The following XKR6 variants were observed in gnomAD, a reference collection of about 807,000 sequenced individuals.
XKR6 encodes the protein XK-related protein 6.
XKR6 carries 22 observed loss-of-function variants against 56.7 expected under a neutral mutation model. The observed-to-expected ratio is 0.39, with a 90% CI of 0.28 to 0.55. The LOEUF (loss-of-function observed/expected upper bound fraction) is 0.55. Ranked by LOEUF, XKR6 falls within the 20% of genes least tolerant of loss-of-function variation. XKR6 has a pLI of 0.66. For synonymous variants in XKR6, 524 were observed against 387.8 expected, an observed-to-expected ratio of 1.35 and a Z score of -4.13; for missense variants, 852 against 889.0, an observed-to-expected ratio of 0.96 and a Z score of 0.53.
At chr8:11,174,097 A>C (rs1802528910) in intron 1 of XKR6, among the ~76,000 whole-genome samples, 1 of 152,254 alleles carries the variant, frequency 6.6e-6, no homozygotes, top group Non-Finnish European at 1.5e-5. Flanking sequence ...GTCCAACTCG[A>C]TTAATTTCTA....
Position 11,137,348 on chromosome 8 carries a change from T to TA in XKR6, c.764+63227dup, listed in dbSNP as rs1243940854. On this transcript the variant is annotated intron_variant, in intron 1 of 2. Coordinates refer to ENST00000416569, the MANE Select transcript of XKR6 (RefSeq NM_173683.4). ...ATAAGTGAGAAAAAGAAAACAATTATAAAAAATACAAAGGAGTCCAGGATA... is the reference window on the plus strand; with the variant it reads ...ATAAGTGAGAAAAAGAAAACAATTATAAAAAAATACAAAGGAGTCCAGGATA... 1.3e-4 allele frequency: 41 copies of TA among 314,662 alleles called. 1 individual carries two copies. Among genetic ancestry groups the TA allele is most frequent in the South Asian group, 9.4e-4 (35 of 37,202 alleles). 19.5% of individuals were successfully genotyped at this position (314,662 alleles called of 1,614,324 possible).
chr8:10,949,713 T>A (rs1801661401), intron 1 of XKR6, among the ~76,000 whole-genome samples: 1 of 152,042 alleles, frequency 6.6e-6, no homozygotes, highest in African/African-American at 2.4e-5. Flanking sequence ...GGACACAAAG[T>A]CAAGGACCGG....
At chr8:10,964,794 T>C (rs996366360) in intron 1 of XKR6, among the ~76,000 whole-genome samples, 2 of 152,118 alleles carry the variant, frequency 1.3e-5, no homozygotes, top group Admixed American at 6.5e-5. Context: ...CCAGACCTGC[T>C]CTCACTGCAC....
chr8:10,967,759 G>C (rs1461518200), intron 1 of XKR6, among the ~76,000 whole-genome samples: 2 of 152,224 alleles, frequency 1.3e-5, no homozygotes, highest in African/African-American at 2.4e-5. Flanking sequence ...CGACGTGCTG[G>C]AGCTGGTCTC....
At chr8:11,118,002 G>C (rs1799263098) in intron 1 of XKR6, among the ~76,000 whole-genome samples, 1 of 152,076 alleles carries the variant, frequency 6.6e-6, no homozygotes, top group African/African-American at 2.4e-5. Flanking sequence ...CGTTAGGAGA[G>C]GTATACACCA....
intron 1 of XKR6, among the ~76,000 whole-genome samples, chr8:10,926,145 C>T (rs1800873937): frequency 6.6e-6 from 1 of 152,212 alleles, no homozygotes; most frequent in Non-Finnish European, 1.5e-5. Context: ...TATCCAGGCC[C>T]AGCTGGCCTC....
intron 1 of XKR6, among the ~76,000 whole-genome samples, chr8:10,994,560 T>G (rs538230556): frequency 2.0e-5 from 3 of 152,332 alleles, no homozygotes; most frequent in Admixed American, 2.0e-4. Context: ...GAATCAAATC[T>G]GGGAACCAGA....
At chr8:11,134,548 T>C (rs1340829402) in intron 1 of XKR6, among the ~76,000 whole-genome samples, 3 of 152,172 alleles carry the variant, frequency 2.0e-5, no homozygotes, top group Non-Finnish European at 2.9e-5. Context: ...TGTGTGGCAT[T>C]TGTTAAGATT....
intron 1 of XKR6, among the ~76,000 whole-genome samples, chr8:11,116,557 G>A (rs1197036749): frequency 6.6e-6 from 1 of 152,110 alleles, no homozygotes; most frequent in African/African-American, 2.4e-5. Context: ...TTTTAGTAGA[G>A]ACGGGGTTTC....
At chr8:11,002,685 C>T (rs748898243) in intron 1 of XKR6, among the ~76,000 whole-genome samples, 1 of 152,226 alleles carries the variant, frequency 6.6e-6, no homozygotes, top group Admixed American at 6.5e-5. Context: ...ATGGCCCAGG[C>T]CCAGGGGGTG....
At chr8:11,165,262 G>C (rs1264534953) in intron 1 of XKR6, among the ~76,000 whole-genome samples, 3 of 151,816 alleles carry the variant, frequency 2.0e-5, no homozygotes, top group Admixed American at 6.6e-5. Flanking sequence ...ACCACACCTA[G>C]CTAATTTTTG....
intron 1 of XKR6, among the ~76,000 whole-genome samples, chr8:11,074,453 T>C (rs758714158): frequency 6.6e-6 from 1 of 152,236 alleles, no homozygotes; most frequent in Non-Finnish European, 1.5e-5. Flanking sequence ...TCATGTTTCA[T>C]TCATTTATTC....
intron 1 of XKR6, among the ~76,000 whole-genome samples, chr8:11,053,177 T>A (rs966693236): frequency 2.6e-5 from 4 of 152,228 alleles, no homozygotes; most frequent in Non-Finnish European, 5.9e-5. Flanking sequence ...TAGGCTGCCA[T>A]GTGCCATTGT....
At chr8:11,071,241 G>A (rs1235255593) in intron 1 of XKR6, among the ~76,000 whole-genome samples, 1 of 151,934 alleles carries the variant, frequency 6.6e-6, no homozygotes, top group Non-Finnish European at 1.5e-5. Flanking sequence ...AGGTACTGAA[G>A]AAAAAAATTT....
intron 1 of XKR6, among the ~76,000 whole-genome samples, chr8:11,121,488 C>G (rs989593998): frequency 6.6e-6 from 1 of 152,160 alleles, no homozygotes; most frequent in Admixed American, 6.5e-5. Flanking sequence ...CAATGAGATA[C>G]CATCTCACAC....
At position 10,898,129 on chromosome 8, in the gene XKR6, G is replaced by C; in HGVS notation, c.1749C>G (p.Pro583=). The part of the protein sequence containing the change: ...PLGRPYLPEG[P]LIKIDMPRKR... ...TTCTTGGCATGTCAATCTTAATGAG[G>C]GGCCCTTCTGGGAGGTAAGGACGCC... The change falls in exon 3 of 3, where the codon CCC becomes CCG. Residue 583 remains proline, a synonymous_variant. Transcript: ENST00000416569. The surrounding 1 kb of genome is among the most constrained non-coding windows in gnomAD (Gnocchi z 6.6). 1 of 1,614,100 alleles carries C rather than the reference G, an allele frequency of 6.2e-7. No homozygotes were observed. Among genetic ancestry groups the C allele is most frequent in the South Asian group, 1.1e-5 (1 of 91,078 alleles).
intron 1 of XKR6, among the ~76,000 whole-genome samples, chr8:11,090,108 G>A (rs1312411298): frequency 6.6e-6 from 1 of 152,232 alleles, no homozygotes; most frequent in South Asian, 2.1e-4. Flanking sequence ...TTCCCACACA[G>A]AGTCTTGCTC....
chr8:11,107,903 A>G lies in XKR6; in HGVS notation c.764+92673T>C, dbSNP rs188447444. On this transcript the variant is annotated intron_variant, in intron 1 of 2. Coordinates refer to ENST00000416569, the MANE Select transcript of XKR6 (RefSeq NM_173683.4). ...GTGGTATCCTGTCTCATGTACAAAG[A>G]GCAATGCTGCCTGGGACGCCTCCCG... 17 of 240,602 alleles carry G rather than the reference A, an allele frequency of 7.1e-5. No homozygotes were observed. The East Asian group carries it at 2.3e-3, about 33-fold the overall frequency. 14.9% of individuals were successfully genotyped at this position (240,602 alleles called of 1,614,324 possible).
intron 1 of XKR6, among the ~76,000 whole-genome samples, chr8:11,052,927 G>A (rs1485051817): frequency 1.3e-5 from 2 of 152,176 alleles, no homozygotes; most frequent in East Asian, 3.9e-4. Context: ...CACCTGCACC[G>A]CTGAAGCCCC....
Sources: gnomAD v4.1 joint callset for allele counts (sites outside exome capture counted in the v4.1 genomes callset) on GRCh38, gnomAD v4.1.1 for gene constraint, Gnocchi (gnomAD v3.1) non-coding constraint, MANE v1.5 for transcripts, NCBI Gene and HGNC (gene_info 2026-07-23, HGNC 2026-07-21) for gene names.